TCAIM: variants seen among roughly 807,000 people sequenced by gnomAD.
TCAIM encodes T-cell activation inhibitor, mitochondrial.
A neutral mutation model predicts 58.6 loss-of-function variants in TCAIM; 36 were observed. The observed-to-expected ratio is 0.61, with a 90% CI of 0.47 to 0.81. The LOEUF (loss-of-function observed/expected upper bound fraction) is 0.81. Ranked by LOEUF, TCAIM falls within the 30% of genes least tolerant of loss-of-function variation. The pLI is 0.00. For missense variants in TCAIM, 466 were observed against 579.6 expected, an observed-to-expected ratio of 0.80 and a Z score of 2.01; for synonymous variants, 172 against 193.6, an observed-to-expected ratio of 0.89 and a Z score of 0.93.
intron 1 of TCAIM, among the ~76,000 whole-genome samples, chr3:44,351,610 T>G (rs1288491499): frequency 6.6e-6 from 1 of 152,090 alleles, no homozygotes; most frequent in East Asian, 1.9e-4. Flanking sequence ...TTCTGCTGCC[T>G]CAGCCTCCCA....
intron 3 of TCAIM, chr3:44,359,012 GTT>G: frequency 1.0e-6 from 1 of 983,250 alleles, no homozygotes; most frequent in Non-Finnish European, 1.2e-6. Flanking sequence ...CATTAATAAA[GTT>G]TTTAAATTCA....
At chr3:44,376,982 C>T (rs1007773378) in intron 5 of TCAIM, among the ~76,000 whole-genome samples, 15 of 152,218 alleles carry the variant, frequency 9.9e-5, no homozygotes, top group African/African-American at 2.9e-4. Context: ...CCCAGCTACT[C>T]GGGAGGCTGA....
intron 6 of TCAIM, among the ~76,000 whole-genome samples, chr3:44,394,158 C>CT (rs1701885016): frequency 6.6e-6 from 1 of 152,062 alleles, no homozygotes. Flanking sequence ...ATAAAAACAC[C>CT]TTTTTTTCCT....
Position 44,396,744 on chromosome 3 carries a change from G to A in TCAIM, c.795G>A (p.Gly265=), listed in dbSNP as rs1193167889. The part of the protein sequence containing the change: ...QNLETLKKAK[G]CTIIFTDRSG... ...AAAGGTTTTGTGTTTTGTCATCAGG[G>A]TGTACAATCATATTTACAGACCGTT... Residue 265 remains glycine, a splice_region_variant and synonymous_variant, in exon 8 of 11, where the codon GGG becomes GGA. Coordinates refer to ENST00000342649, the MANE Select transcript of TCAIM (RefSeq NM_173826.4). The A allele has an allele frequency of 6.2e-7, 1 of 1,613,704 alleles. No homozygotes were observed.
chr3:44,401,466 ATATT>A, intron 10 of TCAIM, 132 bp downstream of exon 10: 1 of 1,142,838 alleles, frequency 8.8e-7, no homozygotes. Flanking sequence ...TAGATATTCC[ATATT>A]TATTTCTTCC....
chr3:44,338,196 C>T (rs1188546062), upstream of TCAIM: 3 of 152,548 alleles, frequency 2.0e-5, no homozygotes, highest in Non-Finnish European at 4.4e-5. Context: ...CCTTGCAGGC[C>T]CTTGGGTCAG....
intron 5 of TCAIM, among the ~76,000 whole-genome samples, chr3:44,372,705 T>G (rs902378453): frequency 6.6e-6 from 1 of 151,998 alleles, no homozygotes; most frequent in Non-Finnish European, 1.5e-5. Context: ...ACCATTCTCC[T>G]GCCTCAACCT....
At chr3:44,358,901 T>C in intron 3 of TCAIM, 1 of 985,422 alleles carries the variant, frequency 1.0e-6, no homozygotes, top group Non-Finnish European at 1.2e-6. Flanking sequence ...TAGGAAAATA[T>C]TCTGATTATG....
At chr3:44,345,679 G>T (rs1174418170) in intron 1 of TCAIM, among the ~76,000 whole-genome samples, 2 of 152,066 alleles carry the variant, frequency 1.3e-5, no homozygotes, top group Non-Finnish European at 2.9e-5. Context: ...CTGGGGAGAG[G>T]TAGAGGGTGG....
chr3:44,403,812 TCTC>T (rs994454571), intron 10 of TCAIM, among the ~76,000 whole-genome samples: 3 of 152,014 alleles, frequency 2.0e-5, no homozygotes, highest in South Asian at 2.1e-4. Flanking sequence ...ACTCACCTCT[TCTC>T]CTTTCCTTTC....
In TCAIM at chr3:44,357,862, C is replaced by T. The variant is rs779774962; in HGVS notation, c.151C>T (p.His51Tyr). The T allele has an allele frequency of 1.6e-5, 26 of 1,613,876 alleles. No individual in the cohort carries two copies. The South Asian group carries it at 2.9e-4, about 18-fold the overall frequency. Reference sequence around the variant, plus strand: ...AGTACATCCAGATTTCTTTGGACAGCACCCCGTAGAAAGGGTAAACATTTA... The same window carrying T: ...AGTACATCCAGATTTCTTTGGACAGTACCCCGTAGAAAGGGTAAACATTTA... ...FAVHPDFFGQ[H>Y]PVEREINENS... The change falls in exon 3 of 11, where the codon CAC (histidine) becomes TAC (tyrosine). Residue 51 changes from histidine to tyrosine, a missense_variant. Transcript: ENST00000342649.
intron 5 of TCAIM, among the ~76,000 whole-genome samples, chr3:44,373,938 A>T (rs1048152280): frequency 2.0e-5 from 3 of 152,230 alleles, no homozygotes; most frequent in Non-Finnish European, 2.9e-5. Context: ...CAAACATGTC[A>T]TTGAACTAGA....
At chr3:44,382,945 C>T (rs1467951007) in intron 5 of TCAIM, among the ~76,000 whole-genome samples, 2 of 151,998 alleles carry the variant, frequency 1.3e-5, no homozygotes, top group Non-Finnish European at 2.9e-5. Flanking sequence ...GACATTTCTC[C>T]AAAGAAGGTA....
chr3:44,378,788 C>T (rs1459282956), intron 5 of TCAIM, among the ~76,000 whole-genome samples: 1 of 145,324 alleles, frequency 6.9e-6, no homozygotes, highest in Non-Finnish European at 1.5e-5. Flanking sequence ...CAGAGCGAGA[C>T]TCTGTCTCAA....
intron 3 of TCAIM, chr3:44,358,294 A>T (rs765817383): frequency 1.0e-6 from 1 of 970,130 alleles, no homozygotes. Context: ...CCCCTACAAC[A>T]TCAGTTAATG....
chr3:44,359,741 TC>T (rs1371914012), intron 3 of TCAIM: 1 of 152,200 alleles, frequency 6.6e-6, no homozygotes, highest in African/African-American at 2.4e-5. Context: ...ATTCACCTTT[TC>T]CCTTTGCTGA....
At chr3:44,398,209 AG>A (rs2125655241) in intron 8 of TCAIM, among the ~76,000 whole-genome samples, 1 of 152,252 alleles carries the variant, frequency 6.6e-6, no homozygotes, top group African/African-American at 2.4e-5. Flanking sequence ...GTGGATCACA[AG>A]GTCAGGAGTT....
At chr3:44,366,144 G>A (rs578079081) in intron 4 of TCAIM, among the ~76,000 whole-genome samples, 1 of 152,260 alleles carries the variant, frequency 6.6e-6, no homozygotes, top group Admixed American at 6.5e-5. Flanking sequence ...TGGTGGTAGT[G>A]TTGATTGAAA....
intron 6 of TCAIM, among the ~76,000 whole-genome samples, chr3:44,394,909 AAAAAAAAAAAAAATATATATATATAT>A (rs1214790708): frequency 1.9e-5 from 1 of 52,336 alleles, no homozygotes; most frequent in Admixed American, 3.4e-4. Context: ...AAAAAAAAAA[AAAAAAAAAAAAAATATATATATATAT>A]ATATATATAT....
Sources: allele counts gnomAD v4.1 joint callset (sites outside exome capture counted in the v4.1 genomes callset), GRCh38; gene constraint gnomAD v4.1.1; transcripts MANE v1.5; gene names NCBI Gene and HGNC (gene_info 2026-07-23, HGNC 2026-07-21).